The following DEFB110 variants were observed in gnomAD, a reference collection of about 807,000 sequenced individuals.
DEFB110 encodes defensin beta 110, also known as beta-defensin 110.
Under a neutral mutation model 2.5 loss-of-function variants are expected in DEFB110, and 4 were observed. That is an observed-to-expected ratio of 1.60 (90% CI 0.79 to 3.66). DEFB110 has a LOEUF of 3.66. Among genes scored for constraint, DEFB110 ranks in the 30% most tolerant of loss-of-function variants. The probability of loss-of-function intolerance (pLI) is 0.01; values close to 1 mark genes in which losing one functional copy is unlikely to be tolerated. For synonymous variants in DEFB110, 29 were observed against 21.8 expected, an observed-to-expected ratio of 1.33 and a Z score of -0.92; for missense variants, 94 against 75.4, an observed-to-expected ratio of 1.25 and a Z score of -0.91.
chr6:50,012,253 T>A (rs150117868), intron 1 of DEFB110, among the ~76,000 whole-genome samples: 1 of 152,080 alleles, frequency 6.6e-6, no homozygotes, highest in East Asian at 1.9e-4. Flanking sequence ...TTTGCTATAG[T>A]TAAACCACAA....
At chr6:50,017,087 C>T (rs999841997), downstream of DEFB110, among the ~76,000 whole-genome samples, 1 of 151,716 alleles carries the variant, frequency 6.6e-6, no homozygotes, top group Non-Finnish European at 1.5e-5. Context: ...GGCTCAGTCT[C>T]TTCTTAGGTA....
downstream of DEFB110, chr6:50,018,743 G>T: frequency 9.0e-7 from 1 of 1,106,956 alleles, no homozygotes; most frequent in Non-Finnish European, 1.1e-6. Context: ...AAAACTTGAG[G>T]AACTTGCATA....
chr6:50,021,846 G>T (rs1201539799), intron 1 of DEFB110, 35 bp downstream of exon 1: 2 of 1,525,700 alleles, frequency 1.3e-6, no homozygotes, highest in African/African-American at 1.4e-5. Context: ...TCTCAAATTT[G>T]TTAGTATAAA....
chr6:50,009,765 G>A (rs1056311118), intron 1 of DEFB110, among the ~76,000 whole-genome samples: 40 of 152,120 alleles, frequency 2.6e-4, no homozygotes, highest in African/African-American at 8.7e-4. Context: ...GCAACTGATC[G>A]AGAAAACTCA....
At chr6:50,016,603 G>T (rs1450192028), downstream of DEFB110, among the ~76,000 whole-genome samples, 6 of 151,462 alleles carry the variant, frequency 4.0e-5, no homozygotes. Context: ...AAATTCTGGG[G>T]GCAGAGTAAT....
At chr6:50,010,958 T>C (rs1774217301) in intron 1 of DEFB110, among the ~76,000 whole-genome samples, 1 of 151,786 alleles carries the variant, frequency 6.6e-6, no homozygotes, top group Non-Finnish European at 1.5e-5. Context: ...GACTTTCTAA[T>C]TATTTTAAAG....
Position 50,021,882 on chromosome 6 carries a change from T to C in DEFB110, c.54A>G (p.Pro18=). ...TCCCCACAAATATTTGCATATTACC[T>C]GGTAAAATTGTGACCCAAAAGTGCA... ...FILHFWVTIL[P]AKKKYPEYGS... Residue 18 remains proline (P), a splice_region_variant and synonymous_variant, in exon 1 of 2, where the codon CCA becomes CCG. Coordinates refer to ENST00000371148, the MANE Select transcript of DEFB110 (RefSeq NM_001037497.2). The C allele has an allele frequency of 6.4e-7, 1 of 1,554,792 alleles. No homozygotes were observed. The highest frequency in any genetic ancestry group is 1.3e-5 in the South Asian group (1 of 79,570).
At chr6:50,011,894 G>C (rs1016244141) in intron 1 of DEFB110, among the ~76,000 whole-genome samples, 5 of 152,030 alleles carry the variant, frequency 3.3e-5, no homozygotes, top group Non-Finnish European at 7.4e-5. Flanking sequence ...GTTTGAAAAG[G>C]TATGATCTTT....
downstream of DEFB110, among the ~76,000 whole-genome samples, chr6:50,018,232 C>A (rs552142848): frequency 2.0e-4 from 30 of 151,974 alleles, no homozygotes; most frequent in African/African-American, 7.0e-4. Flanking sequence ...TGTCATGGAT[C>A]TCCTCAGACA....
downstream of DEFB110, among the ~76,000 whole-genome samples, chr6:50,014,053 A>G (rs148513996): frequency 1.6e-3 from 245 of 151,926 alleles, 1 homozygote; most frequent in African/African-American, 5.5e-3. Flanking sequence ...GATAATATAG[A>G]GAAAGCACAT....
downstream of DEFB110, among the ~76,000 whole-genome samples, chr6:50,016,776 T>C (rs1171695104): frequency 3.3e-5 from 5 of 151,802 alleles, no homozygotes; most frequent in Non-Finnish European, 7.4e-5. Context: ...ACATTCTCCT[T>C]CAATTTTCTT....
chr6:50,020,468 C>G (rs777651636), intron 1 of DEFB110, among the ~76,000 whole-genome samples: 5 of 151,186 alleles, frequency 3.3e-5, no homozygotes, highest in Non-Finnish European at 7.4e-5. Flanking sequence ...ACATCAAATT[C>G]TTGACCAAAG....
At chr6:50,018,825 G>A (rs1444745616), downstream of DEFB110, 24 of 1,329,644 alleles carry the variant, frequency 1.8e-5, no homozygotes, top group South Asian at 4.4e-5. Context: ...AGACATGAGC[G>A]TGACATATGA....
intron 1 of DEFB110, chr6:50,009,342 C>T: frequency 6.8e-7 from 1 of 1,477,918 alleles, no homozygotes; most frequent in South Asian, 1.4e-5. Context: ...TAAAGAAAGA[C>T]AAAAACTGTT....
chr6:50,021,957 A>AG lies in DEFB110; in HGVS notation c.-23dup, dbSNP rs1290565691. Reference sequence around the variant, plus strand: ...TCATGGTAGAGAGTTTCTTAAAAAAAGGGGGCAACAGACCTCCTTTTTCAA... The same window carrying AG: ...TCATGGTAGAGAGTTTCTTAAAAAAAGGGGGGCAACAGACCTCCTTTTTCAA... On this transcript the variant is annotated 5_prime_UTR_variant, in exon 1 of 2. Coordinates refer to ENST00000371148, the MANE Select transcript of DEFB110 (RefSeq NM_001037497.2). 6.5e-6 allele frequency: 10 copies of AG among 1,529,524 alleles called. No individual in the cohort carries two copies. Among genetic ancestry groups the AG allele is most frequent in the South Asian group, 2.6e-5 (2 of 77,036 alleles). The allele number at this position is 1,529,524 out of a possible 1,614,324, so 94.7% of individuals were successfully genotyped here. A position where few individuals can be genotyped will look rare whatever the true frequency, so the allele number is the denominator to read the frequency against.
At chr6:50,015,912 T>C (rs1199720232), downstream of DEFB110, among the ~76,000 whole-genome samples, 2 of 151,860 alleles carry the variant, frequency 1.3e-5, no homozygotes, top group South Asian at 2.1e-4. Flanking sequence ...GAATATTCCA[T>C]GCTTTATTCA....
intron 1 of DEFB110, among the ~76,000 whole-genome samples, chr6:50,010,524 A>AATATAT (rs138922057): frequency 1.8e-4 from 27 of 147,248 alleles, no homozygotes; most frequent in Admixed American, 1.2e-3. Flanking sequence ...TTAACATGTT[A>AATATAT]ATATATATAT....
chr6:50,016,666 G>A (rs946311560), downstream of DEFB110, among the ~76,000 whole-genome samples: 1 of 151,456 alleles, frequency 6.6e-6, no homozygotes, highest in African/African-American at 2.4e-5. Flanking sequence ...TCATCAAAAG[G>A]GTTTCTAGAG....
chr6:50,018,939 C>A lies in DEFB110; in HGVS notation c.*38G>T. On this transcript the variant is annotated 3_prime_UTR_variant, in exon 2 of 2. Coordinates refer to ENST00000371148, the MANE Select transcript of DEFB110 (RefSeq NM_001037497.2). ...TGGGAAAACTTAATAACGCTGGTCT[C>A]TCTTCTTGGAGCTTGTGACTCTTTT... The A allele has an allele frequency of 6.3e-7, 1 of 1,587,866 alleles. No individual in the cohort carries two copies. The highest frequency in any genetic ancestry group is 8.6e-7 in the Non-Finnish European group (1 of 1,168,938).
Sources: allele counts gnomAD v4.1 joint callset (sites outside exome capture counted in the v4.1 genomes callset), GRCh38; gene constraint gnomAD v4.1.1; transcripts MANE v1.5; gene names NCBI Gene and HGNC (gene_info 2026-07-23, HGNC 2026-07-21).